Variants in RFC1 observed in about 807,000 individuals in gnomAD.
RFC1 encodes the protein replication factor C subunit 1, also known as A1 140 kDa subunit.
Under a neutral mutation model 137.4 loss-of-function variants are expected in RFC1, and 37 were observed. The observed-to-expected ratio is 0.27, with a 90% confidence interval of 0.21 to 0.35. The LOEUF is 0.35. Ranked by LOEUF, RFC1 falls within the 10% of genes least tolerant of loss-of-function variation. The probability of loss-of-function intolerance (pLI) is 1.00; values close to 1 mark genes in which losing one functional copy is unlikely to be tolerated. For missense variants in RFC1, 1,205 were observed against 1,358.5 expected, an observed-to-expected ratio of 0.89 and a Z score of 1.78; for synonymous variants, 429 against 455.7, an observed-to-expected ratio of 0.94 and a Z score of 0.75.
Position 39,300,143 on chromosome 4 carries a change from A to G in RFC1, c.2691-5T>C. On this transcript the variant is annotated splice_polypyrimidine_tract_variant and splice_region_variant and intron_variant, in intron 20 of 24. Coordinates refer to ENST00000349703, the MANE Select transcript of RFC1 (RefSeq NM_002913.5). ...AGGTGCTTTTTCATGTCACCCCTGCAGGAAAGAACCAGTCTGGATTATCCC... is the reference window on the plus strand; with the variant it reads ...AGGTGCTTTTTCATGTCACCCCTGCGGGAAAGAACCAGTCTGGATTATCCC... 1 of 1,613,388 alleles carries G rather than the reference A, an allele frequency of 6.2e-7. No individual in the cohort carries two copies. Among genetic ancestry groups the G allele is most frequent in the East Asian group, 2.2e-5 (1 of 44,876 alleles).
At chr4:39,294,746 T>C (rs1737889486) in intron 22 of RFC1, among the ~76,000 whole-genome samples, 1 of 151,960 alleles carries the variant, frequency 6.6e-6, no homozygotes, top group Non-Finnish European at 1.5e-5. Context: ...CTCACGCCTG[T>C]AATCTCAACA....
chr4:39,352,846 C>T (rs2109761178), intron 1 of RFC1, among the ~76,000 whole-genome samples: 1 of 152,282 alleles, frequency 6.6e-6, no homozygotes, highest in East Asian at 1.9e-4. Context: ...TCTTCCTATC[C>T]TTGATGGTTG....
intron 1 of RFC1, among the ~76,000 whole-genome samples, chr4:39,364,028 T>C (rs2109788373): frequency 7.1e-6 from 1 of 141,790 alleles, no homozygotes; most frequent in African/African-American, 2.7e-5. Context: ...GGCAGTGAGC[T>C]ATCATCACAC....
chr4:39,352,428 T>G (rs1399101279), intron 1 of RFC1, among the ~76,000 whole-genome samples: 1 of 152,252 alleles, frequency 6.6e-6, no homozygotes, highest in Admixed American at 6.5e-5. Context: ...AATCACTCAC[T>G]TTTCCTAACC....
At position 39,287,929 on chromosome 4, in the gene RFC1, G is replaced by C. The variant is rs1737460102; in HGVS notation, c.*832C>G. On this transcript the variant is annotated 3_prime_UTR_variant, in exon 25 of 25. Coordinates refer to ENST00000349703, the MANE Select transcript of RFC1 (RefSeq NM_002913.5). ...ATGGGTTGAGACTCCAGAAGGATAA[G>C]AATGTCTGAGAATCTTCTGCAGCCC... 6.6e-6 allele frequency: 1 copy of C among 152,214 alleles called. No homozygotes were observed. Among genetic ancestry groups the C allele is most frequent in the Non-Finnish European group, 1.5e-5 (1 of 68,076 alleles). The allele number at this position is 152,214 out of a possible 1,614,324, so 9.4% of individuals were successfully genotyped here.
At chr4:39,307,621 C>T in intron 13 of RFC1, 1 of 156,272 alleles carries the variant, frequency 6.4e-6, no homozygotes, top group Non-Finnish European at 1.4e-5. Context: ...GAGGCTGAGA[C>T]AGAAGAATCA....
intron 21 of RFC1, among the ~76,000 whole-genome samples, chr4:39,296,067 C>T (rs1162331765): frequency 6.6e-6 from 1 of 152,136 alleles, no homozygotes; most frequent in Non-Finnish European, 1.5e-5. Flanking sequence ...GCCAACGTCA[C>T]AGCAAATAAT....
At chr4:39,355,594 A>T (rs761083225) in intron 1 of RFC1, among the ~76,000 whole-genome samples, 6 of 152,244 alleles carry the variant, frequency 3.9e-5, no homozygotes, top group Admixed American at 3.3e-4. Context: ...AAATAAGCAG[A>T]TAAGTTAAAA....
rs753551050 is a variant in RFC1 at position 39,321,373 on chromosome 4, G to A, written c.722C>T (p.Ala241Val). The change falls in exon 8 of 25, where the codon GCT (alanine) becomes GTT (valine). Residue 241 changes from alanine (A) to valine (V), a missense_variant and splice_region_variant. By Grantham distance (64) the Ala-to-Val change is moderately conservative. Transcript: ENST00000349703. ...TTCTCCCGCTTCTGTGTCCTTTCGA[G>A]CCTAAACAAATTTTAAAAGTGTCAA... ...MLDEEPKTKK[A>V]RKDTEAGETF... 3.7e-6 allele frequency: 6 copies of A among 1,612,104 alleles called. No individual in the cohort carries two copies. In the South Asian group the frequency reaches 5.5e-5, roughly 15 times the overall value.
chr4:39,332,494 C>T (rs1305612886), intron 4 of RFC1, among the ~76,000 whole-genome samples: 1 of 152,204 alleles, frequency 6.6e-6, no homozygotes, highest in African/African-American at 2.4e-5. Context: ...TTATTCAATA[C>T]ATAGACCCCA....
At chr4:39,332,965 A>C (rs1287096250) in intron 4 of RFC1, among the ~76,000 whole-genome samples, 1 of 152,236 alleles carries the variant, frequency 6.6e-6, no homozygotes, top group African/African-American at 2.4e-5. Flanking sequence ...AAATACAATA[A>C]GACAAAATTT....
At chr4:39,363,934 G>A (rs116242377) in intron 1 of RFC1, among the ~76,000 whole-genome samples, 10,195 of 147,606 alleles carry the variant, frequency 0.069, 1,198 homozygotes, top group African/African-American at 0.24. Context: ...AAGTGAACAG[G>A]CCAGGCACAG....
At chr4:39,297,219 TG>T (rs1487870504) in intron 21 of RFC1, among the ~76,000 whole-genome samples, 35 of 89,966 alleles carry the variant, frequency 3.9e-4, no homozygotes, top group African/African-American at 2.0e-3. Context: ...TTCACTCTGA[TG>T]GTAGTTTCTT....
chr4:39,364,266 G>GA (rs34831204), intron 1 of RFC1, among the ~76,000 whole-genome samples: 53,812 of 144,478 alleles, frequency 0.37, 11,901 homozygotes, highest in East Asian at 0.57. Flanking sequence ...CAGTCTGAGG[G>GA]AAAAAAAAAA....
intron 4 of RFC1, among the ~76,000 whole-genome samples, chr4:39,334,751 G>T (rs962045617): frequency 6.6e-6 from 1 of 152,052 alleles, no homozygotes; most frequent in African/African-American, 2.4e-5. Context: ...TTCCCTCTAG[G>T]ATATCTGTCT....
intron 14 of RFC1, 109 bp from the exon 15 acceptor site, chr4:39,305,037 C>T: frequency 1.4e-6 from 1 of 730,950 alleles, no homozygotes; most frequent in Non-Finnish European, 2.5e-6. Flanking sequence ...AATATAAAAA[C>T]CCATAGGTAA....
chr4:39,365,806 T>C (rs1196626539), intron 1 of RFC1, among the ~76,000 whole-genome samples: 1 of 152,182 alleles, frequency 6.6e-6, no homozygotes, highest in Non-Finnish European at 1.5e-5. Context: ...ACACAACATA[T>C]TCCCTAAGAA....
At position 39,339,312 on chromosome 4, in the gene RFC1, G is replaced by A. The variant is rs558431494; in HGVS notation, c.331+3033C>T. 7.2e-5 allele frequency among the ~76,000 whole-genome samples: 11 copies of A among 152,126 alleles called. No homozygotes were observed. The South Asian group carries it at 1.9e-3, about 26-fold the overall frequency. ...GTGGTTTTATTTTTAATTTCATTGG[G>A]CTCCTCCATGCTGTTTTCCAAAATG... is the stretch of plus-strand genomic sequence containing the variant. On this transcript the variant is annotated intron_variant, in intron 4 of 24. Coordinates refer to ENST00000349703, the MANE Select transcript of RFC1 (RefSeq NM_002913.5).
At chr4:39,313,878 A>G (rs1739100359) in intron 10 of RFC1, among the ~76,000 whole-genome samples, 1 of 152,222 alleles carries the variant, frequency 6.6e-6, no homozygotes, top group South Asian at 2.1e-4. Flanking sequence ...CTCATAATGT[A>G]TAATATAAGA....
Sources: gnomAD v4.1 joint callset for allele counts (sites outside exome capture counted in the v4.1 genomes callset) on GRCh38, gnomAD v4.1.1 for gene constraint, MANE v1.5 for transcripts, NCBI Gene and HGNC (gene_info 2026-07-23, HGNC 2026-07-21) for gene names.